WDPCP: variants seen among roughly 807,000 people sequenced by gnomAD.
WDPCP encodes the protein WD repeat-containing and planar cell polarity effector protein fritz homolog.
A neutral mutation model predicts 93.1 loss-of-function variants in WDPCP; 71 were observed. The observed-to-expected ratio is 0.76, with a 90% confidence interval of 0.63 to 0.93. The LOEUF (loss-of-function observed/expected upper bound fraction) is 0.93. Ranked by LOEUF, WDPCP falls within the 40% of genes least tolerant of loss-of-function variation. The probability of loss-of-function intolerance (pLI) is 0.00; values close to 1 mark genes in which losing one functional copy is unlikely to be tolerated. For missense variants in WDPCP, 844 were observed against 887.4 expected (o/e 0.95, Z 0.62); for synonymous variants, 315 against 315.0 (o/e 1.00, Z 0.00).
chr2:63,583,368 G>A (rs1363187770), intron 1 of WDPCP, among the ~76,000 whole-genome samples: 2 of 152,096 alleles, frequency 1.3e-5, no homozygotes, highest in East Asian at 1.9e-4. Context: ...ATAGCAAGAC[G>A]TCATTTAAAT....
intron 1 of WDPCP, among the ~76,000 whole-genome samples, chr2:63,516,098 A>T (rs1054580261): frequency 6.6e-6 from 1 of 152,014 alleles, no homozygotes; most frequent in African/African-American, 2.4e-5. Context: ...TGATGTAGCT[A>T]TATTTTTAAC....
At chr2:63,414,470 T>TACACACACAC (rs563655098) in intron 9 of WDPCP, among the ~76,000 whole-genome samples, 2 of 117,002 alleles carry the variant, frequency 1.7e-5, no homozygotes, top group Non-Finnish European at 3.8e-5. Flanking sequence ...TACACACACA[T>TACACACACAC]ATACACACAC....
At chr2:63,826,800 T>C (rs536445700) in intron 1 of WDPCP, among the ~76,000 whole-genome samples, 2 of 152,160 alleles carry the variant, frequency 1.3e-5, no homozygotes, top group Non-Finnish European at 2.9e-5. Flanking sequence ...ACTTAAAAAA[T>C]AAATCCGTAC....
At chr2:63,529,733 A>G (rs531191534) in intron 1 of WDPCP, among the ~76,000 whole-genome samples, 1 of 151,838 alleles carries the variant, frequency 6.6e-6, no homozygotes, top group South Asian at 2.1e-4. Context: ...GCCTCATAAA[A>G]TGAGTTAGGG....
chr2:63,419,468 C>A (rs1695684968), intron 9 of WDPCP, among the ~76,000 whole-genome samples: 1 of 152,150 alleles, frequency 6.6e-6, no homozygotes, highest in Non-Finnish European at 1.5e-5. Flanking sequence ...GTGATTGTTT[C>A]AGCCAACTAT....
chr2:63,730,711 G>C (rs952062795), intron 2 of WDPCP, among the ~76,000 whole-genome samples: 1 of 152,030 alleles, frequency 6.6e-6, no homozygotes, highest in African/African-American at 2.4e-5. Flanking sequence ...TTCAATTCAA[G>C]AGCAAGAAAA....
At position 63,599,083 on chromosome 2, in the gene WDPCP, C is replaced by T. The variant is rs1709372681; in HGVS notation, n.488+51576G>A. On this transcript the variant is annotated intron_variant and non_coding_transcript_variant, in intron 3 of 4. Coordinates refer to the WDPCP transcript ENST00000467687. Reference sequence around the variant, plus strand: ...CAAGCCTCCCCTGTACAAAGGCTACCTGTTAGACATTTTCAGTCAAATTTT... The same window carrying T: ...CAAGCCTCCCCTGTACAAAGGCTACTTGTTAGACATTTTCAGTCAAATTTT... 5 of 1,385,322 alleles carry T rather than the reference C, an allele frequency of 3.6e-6. No homozygotes were observed. The African/African-American group carries it at 5.8e-5, about 16-fold the overall frequency. The allele number at this position is 1,385,322 out of a possible 1,614,324, so 85.8% of individuals were successfully genotyped here.
intron 1 of WDPCP, among the ~76,000 whole-genome samples, chr2:63,539,153 T>C (rs541249541): frequency 6.6e-6 from 1 of 152,314 alleles, no homozygotes; most frequent in Admixed American, 6.5e-5. Flanking sequence ...CTTTCCCCAA[T>C]ATGCAATTAG....
chr2:63,378,178 T>A, intron 12 of WDPCP: 1 of 640,028 alleles, frequency 1.6e-6, no homozygotes. Context: ...AAAGTATTGG[T>A]TATATAAAAC....
chr2:63,532,616 A>G (rs1293501092), intron 1 of WDPCP, among the ~76,000 whole-genome samples: 4 of 152,240 alleles, frequency 2.6e-5, no homozygotes, highest in Non-Finnish European at 2.9e-5. Context: ...ACTAAGCTTC[A>G]TAAGTGAAGG....
chr2:63,210,347 A>G (rs2421822), intron 14 of WDPCP, among the ~76,000 whole-genome samples: 49,413 of 152,066 alleles, frequency 0.32, 9,225 homozygotes, highest in Non-Finnish European at 0.41. Context: ...ATTTAAAATT[A>G]AAAGTTTCAC....
intron 15 of WDPCP, among the ~76,000 whole-genome samples, chr2:63,163,161 T>G (rs1048894114): frequency 4.6e-5 from 7 of 152,210 alleles, no homozygotes; most frequent in African/African-American, 1.7e-4. Flanking sequence ...CAGATTAAGC[T>G]GGAGAGAAAA....
chr2:63,644,865 ATC>A (rs1710031032), intron 3 of WDPCP, among the ~76,000 whole-genome samples: 1 of 151,664 alleles, frequency 6.6e-6, no homozygotes, highest in Admixed American at 6.6e-5. Context: ...GTCCTTTTTC[ATC>A]TCTGTTTTGA....
In WDPCP at chr2:63,745,944, T is replaced by C. The variant is rs554017684; in HGVS notation, n.308+67678A>G. Among the ~76,000 whole-genome samples the C allele has an allele frequency of 6.6e-5, 10 of 152,296 alleles. 1 individual carries two copies. The highest frequency in any genetic ancestry group is 2.4e-4 in the African/African-American group (10 of 41,560). ...TTGGCTATTTTAAAATTTTTGTTAA[T>C]CTGATAGATAGGAAATATCTCATTG... On this transcript the variant is annotated intron_variant and non_coding_transcript_variant, in intron 2 of 4. Transcript: ENST00000467687.
intron 13 of WDPCP, among the ~76,000 whole-genome samples, chr2:63,294,198 T>C (rs1170269081): frequency 6.6e-6 from 1 of 152,156 alleles, no homozygotes; most frequent in South Asian, 2.1e-4. Context: ...AAGAAAGCAC[T>C]GGGCTGATAA....
intron 2 of WDPCP, among the ~76,000 whole-genome samples, chr2:63,747,379 A>G (rs1669815153): frequency 6.6e-6 from 1 of 151,884 alleles, no homozygotes; most frequent in South Asian, 2.1e-4. Context: ...TGCCATGAGG[A>G]TATTTTCCTA....
chr2:63,219,499 C>G (rs1431705007), intron 14 of WDPCP, among the ~76,000 whole-genome samples: 1 of 152,134 alleles, frequency 6.6e-6, no homozygotes, highest in Non-Finnish European at 1.5e-5. Flanking sequence ...CAAGCAGATA[C>G]TTTTCTTCCA....
chr2:63,756,120 T>G (rs1011949711), intron 2 of WDPCP, among the ~76,000 whole-genome samples: 1 of 152,242 alleles, frequency 6.6e-6, no homozygotes, highest in Admixed American at 6.5e-5. Flanking sequence ...GTTTTGGCTT[T>G]GAGTCATATT....
intron 13 of WDPCP, among the ~76,000 whole-genome samples, chr2:63,260,249 C>T (rs1681515008): frequency 6.6e-6 from 1 of 152,164 alleles, no homozygotes; most frequent in Non-Finnish European, 1.5e-5. Flanking sequence ...AAAAATAATA[C>T]TGAACAAGTG....
Sources: allele counts gnomAD v4.1 joint callset (sites outside exome capture counted in the v4.1 genomes callset), GRCh38; gene constraint gnomAD v4.1.1; transcripts MANE v1.5; gene names NCBI Gene and HGNC (gene_info 2026-07-23, HGNC 2026-07-21).